The following HMGN4 variants were observed in gnomAD, a reference collection of about 807,000 sequenced individuals.
HMGN4 encodes high mobility group nucleosome-binding domain-containing protein 4.
For missense variants in HMGN4, 69 were observed against 104.9 expected, an observed-to-expected ratio of 0.66 and a Z score of 1.49; for synonymous variants, 39 against 39.1, an observed-to-expected ratio of 1.00 and a Z score of 0.01.
chr6:26,540,355 G>A (rs1716780537), intron 1 of HMGN4, among the ~76,000 whole-genome samples: 2 of 147,498 alleles, frequency 1.4e-5, no homozygotes, highest in Admixed American at 6.8e-5. Context: ...TTTTTTTTGA[G>A]ACCGGGTCTT....
rs985043955 is a variant in HMGN4, at chr6:26,545,531, A to C, written c.*52A>C. 1 of 1,450,536 alleles carries C rather than the reference A, an allele frequency of 6.9e-7. No homozygotes were observed. Among genetic ancestry groups the C allele is most frequent in the African/African-American group, 1.4e-5 (1 of 70,092 alleles). The allele number at this position is 1,450,536 out of a possible 1,614,324, so 89.9% of individuals were successfully genotyped here. A position where few individuals can be genotyped will look rare whatever the true frequency, so the allele number is the denominator to read the frequency against. Reference sequence around the variant, plus strand: ...TTATAGTGACTCTACTGTTTGAAATACTATTTTTTTAAATCAAGTTTTATA... The same window carrying C: ...TTATAGTGACTCTACTGTTTGAAATCCTATTTTTTTAAATCAAGTTTTATA... On this transcript the variant is annotated 3_prime_UTR_variant, in exon 2 of 2. Coordinates refer to ENST00000377575, the MANE Select transcript of HMGN4 (RefSeq NM_006353.3).
rs1176742539 is a variant in HMGN4 at position 26,546,100 on chromosome 6, A to C, written c.*621A>C. The C allele has an allele frequency of 6.0e-6, 1 of 167,126 alleles. No individual in the cohort carries two copies. Among genetic ancestry groups the C allele is most frequent in the Admixed American group, 6.5e-5 (1 of 15,286 alleles). The allele number at this position is 167,126 out of a possible 1,614,324, so 10.4% of individuals were successfully genotyped here. On this transcript the variant is annotated 3_prime_UTR_variant, in exon 2 of 2. Coordinates refer to ENST00000377575, the MANE Select transcript of HMGN4 (RefSeq NM_006353.3). The stretch of plus-strand genomic sequence containing the variant: ...CCTCTCTGAAAATCTTTCTTGTTCA[A>C]AACAGCAACGACATATCTTGTTAAC...
chr6:26,545,319 A>T lies in HMGN4; in HGVS notation c.113A>T (p.Glu38Val), dbSNP rs148754831. 3.1e-6 allele frequency: 5 copies of T among 1,614,156 alleles called. No homozygotes were observed. In the African/African-American group the frequency reaches 6.7e-5, roughly 22 times the overall value. ...LSAKPAPPKP[E>V]PRPKKASAKK... ...GCTAAACCAGCTCCTCCAAAACCAGAGCCCAGGCCTAAAAAGGCCTCTGCA... is the reference window on the plus strand; with the variant it reads ...GCTAAACCAGCTCCTCCAAAACCAGTGCCCAGGCCTAAAAAGGCCTCTGCA... Residue 38 changes from glutamate to valine, a missense_variant, in exon 2 of 2, where the codon GAG becomes GTG. Physicochemically the swap from Glu to Val is moderately radical, Grantham distance 121. Coordinates refer to ENST00000377575, the MANE Select transcript of HMGN4 (RefSeq NM_006353.3).
chr6:26,545,712 G>T lies in HMGN4; in HGVS notation c.*233G>T. The T allele has an allele frequency of 3.7e-6, 1 of 272,480 alleles. No homozygotes were observed. The highest frequency in any genetic ancestry group is 7.3e-6 in the Non-Finnish European group (1 of 137,106). The allele number at this position is 272,480 out of a possible 1,614,324, so 16.9% of individuals were successfully genotyped here. A position where few individuals can be genotyped will look rare whatever the true frequency, so the allele number is the denominator to read the frequency against. The stretch of plus-strand genomic sequence containing the variant: ...AGGATTTTCTGTCCTGGTTTTTGAA[G>T]ATTGTTCTTGATTCCCTTGATTCCC... On this transcript the variant is annotated 3_prime_UTR_variant, in exon 2 of 2. Transcript: ENST00000377575.
At chr6:26,545,080 C>G (rs1884946) in intron 1 of HMGN4, 47 bp from the exon 2 acceptor site, 329,776 of 671,504 alleles carry the variant, frequency 0.49, 83,224 homozygotes, top group East Asian at 0.73. Context: ...CGTTTACATT[C>G]GTCAGTCTTT....
chr6:26,543,201 T>G (rs903338369), intron 1 of HMGN4, among the ~76,000 whole-genome samples: 4 of 152,126 alleles, frequency 2.6e-5, no homozygotes, highest in African/African-American at 9.7e-5. Flanking sequence ...CACCCTACCA[T>G]TAGACCAAGT....
In HMGN4 at chr6:26,541,267, A is replaced by C. The variant is rs562286091; in HGVS notation, c.-81+2766A>C. On this transcript the variant is annotated intron_variant, in intron 1 of 1. Coordinates refer to ENST00000377575, the MANE Select transcript of HMGN4 (RefSeq NM_006353.3). ...CACCATGTTGGCCAGGCTGGTCTCGAACTTCTGACCACCTTGGCCTCCCAA... is the reference window on the plus strand; with the variant it reads ...CACCATGTTGGCCAGGCTGGTCTCGCACTTCTGACCACCTTGGCCTCCCAA... Among the ~76,000 whole-genome samples, 4 of 152,116 alleles carry C rather than the reference A, an allele frequency of 2.6e-5. No homozygotes were observed. In the South Asian group the frequency reaches 8.3e-4, roughly 32 times the overall value.
intron 1 of HMGN4, among the ~76,000 whole-genome samples, chr6:26,541,054 C>G (rs553302947): frequency 3.3e-5 from 5 of 152,226 alleles, no homozygotes; most frequent in African/African-American, 1.2e-4. Flanking sequence ...TCATTACATT[C>G]CTTTTTTTTT....
At chr6:26,539,201 C>T (rs544306323) in intron 1 of HMGN4, among the ~76,000 whole-genome samples, 1 of 152,322 alleles carries the variant, frequency 6.6e-6, no homozygotes, top group East Asian at 1.9e-4. Context: ...ACTACTTTTT[C>T]TAGGGATTAG....
intron 1 of HMGN4, among the ~76,000 whole-genome samples, chr6:26,539,648 A>G (rs994192679): frequency 1.5e-5 from 2 of 135,692 alleles, no homozygotes; most frequent in African/African-American, 2.7e-5. Context: ...AAAAAAAAAA[A>G]AAAAAGAAAA....
At position 26,538,494 on chromosome 6, in the gene HMGN4, A is replaced by G. The variant is rs374275261; in HGVS notation, c.-88A>G. The stretch of plus-strand genomic sequence containing the variant: ...TTCCCGCGCCCCTCGGACGGCCACG[A>G]GACTCGGGTAAGTGCCTCACAGACT... On this transcript the variant is annotated 5_prime_UTR_variant, in exon 1 of 2. Coordinates refer to ENST00000377575, the MANE Select transcript of HMGN4 (RefSeq NM_006353.3). The G allele has an allele frequency of 1.3e-5, 2 of 152,444 alleles. No individual in the cohort carries two copies. The highest frequency in any genetic ancestry group is 3.9e-4 in the East Asian group (2 of 5,194). 9.4% of individuals were successfully genotyped at this position (152,444 alleles called of 1,614,324 possible).
At chr6:26,539,113 G>C (rs1238624675) in intron 1 of HMGN4, among the ~76,000 whole-genome samples, 2 of 152,196 alleles carry the variant, frequency 1.3e-5, no homozygotes, top group African/African-American at 4.8e-5. Context: ...TTAATCAAAC[G>C]CTTTTATGAG....
rs559767321 is a variant in HMGN4 at position 26,539,417 on chromosome 6, G to GT, written c.-81+917dup. On this transcript the variant is annotated intron_variant, in intron 1 of 1. Coordinates refer to ENST00000377575, the MANE Select transcript of HMGN4 (RefSeq NM_006353.3). ...CCCGAGCAGCTGGGACTACAGGTGT[G>GT]TAACACTACACCCGGATAATTTTTG... Among the ~76,000 whole-genome samples the GT allele has an allele frequency of 1.3e-3, 199 of 152,210 alleles. 1 individual carries two copies. Among genetic ancestry groups the GT allele is most frequent in the Non-Finnish European group, 2.3e-3 (155 of 68,000 alleles).
intron 1 of HMGN4, among the ~76,000 whole-genome samples, chr6:26,544,283 G>T (rs1367268299): frequency 6.6e-6 from 1 of 151,732 alleles, no homozygotes; most frequent in African/African-American, 2.4e-5. Context: ...TATGTTTGTG[G>T]CCTCAACATG....
intron 1 of HMGN4, among the ~76,000 whole-genome samples, chr6:26,541,955 T>G (rs1581445796): frequency 6.6e-6 from 1 of 152,382 alleles, no homozygotes; most frequent in East Asian, 1.9e-4. Flanking sequence ...TTTCTAAAAC[T>G]TTTAAAATTG....
At chr6:26,539,045 GTGC>G (rs925570501) in intron 1 of HMGN4, among the ~76,000 whole-genome samples, 1 of 152,212 alleles carries the variant, frequency 6.6e-6, no homozygotes, top group African/African-American at 2.4e-5. Context: ...ATCAGGACTG[GTGC>G]CTTGGTGTTT....
At chr6:26,544,599 A>G (rs1018523047) in intron 1 of HMGN4, among the ~76,000 whole-genome samples, 6 of 152,168 alleles carry the variant, frequency 3.9e-5, no homozygotes, top group African/African-American at 7.2e-5. Flanking sequence ...TAGAAGTAAA[A>G]TTGCTTTACA....
At chr6:26,538,779 C>T (rs1217490113) in intron 1 of HMGN4, among the ~76,000 whole-genome samples, 1 of 152,134 alleles carries the variant, frequency 6.6e-6, no homozygotes, top group African/African-American at 2.4e-5. Flanking sequence ...AATCGGCGTT[C>T]TAGGGGCGTT....
At chr6:26,539,283 TTTTG>T (rs1016532529) in intron 1 of HMGN4, among the ~76,000 whole-genome samples, 5 of 152,110 alleles carry the variant, frequency 3.3e-5, no homozygotes, top group African/African-American at 4.8e-5. Flanking sequence ...ATGTGTTTGT[TTTTG>T]TTTGTTTGTT....
Sources: gnomAD v4.1 joint callset for allele counts (sites outside exome capture counted in the v4.1 genomes callset) on GRCh38, gnomAD v4.1.1 for gene constraint, MANE v1.5 for transcripts, NCBI Gene and HGNC (gene_info 2026-07-23, HGNC 2026-07-21) for gene names.